The following CUL2 variants were observed in gnomAD, a reference collection of about 807,000 sequenced individuals.
CUL2 encodes the protein cullin-2.
Under a neutral mutation model 110.2 loss-of-function variants are expected in CUL2, and 22 were observed. The observed-to-expected ratio is 0.20, with a 90% confidence interval of 0.14 to 0.28. The LOEUF (loss-of-function observed/expected upper bound fraction) is 0.28, where lower values mean the gene tolerates loss of function less well. Ranked by LOEUF, CUL2 falls within the 10% of genes least tolerant of loss-of-function variation. CUL2 has a pLI of 1.00. For missense variants in CUL2, 631 were observed against 905.5 expected (o/e 0.70, Z 3.89); for synonymous variants, 279 against 293.2 (o/e 0.95, Z 0.49).
chr10:35,021,909 G>A (rs891396454), intron 17 of CUL2, among the ~76,000 whole-genome samples: 2 of 146,888 alleles, frequency 1.4e-5, no homozygotes, highest in Admixed American at 1.4e-4. Context: ...GGTGAGGTGG[G>A]GCGAAGTGGG....
chr10:35,040,039 G>A (rs1248165311), intron 8 of CUL2, among the ~76,000 whole-genome samples: 2 of 152,190 alleles, frequency 1.3e-5, no homozygotes. Flanking sequence ...TGTAGCACCA[G>A]CTACTCGGGA....
chr10:35,038,589 C>T (rs1482452557), intron 9 of CUL2, among the ~76,000 whole-genome samples: 2 of 137,304 alleles, frequency 1.5e-5, no homozygotes, highest in Non-Finnish European at 3.1e-5. Context: ...TAAATTATTA[C>T]ATTTATTACA....
intron 1 of CUL2, among the ~76,000 whole-genome samples, chr10:35,117,730 A>C (rs2087626723): frequency 1.3e-5 from 2 of 152,216 alleles, no homozygotes; most frequent in South Asian, 4.1e-4. Flanking sequence ...TGTGGAACCT[A>C]TTTGACTGGA....
At chr10:35,055,185 G>C (rs1361945744) in intron 4 of CUL2, among the ~76,000 whole-genome samples, 1 of 152,208 alleles carries the variant, frequency 6.6e-6, no homozygotes, top group Non-Finnish European at 1.5e-5. Context: ...CAACTGTGTA[G>C]TTTTTAGGAT....
intron 18 of CUL2, 76 bp from the exon 19 acceptor site, chr10:35,013,876 C>T (rs193234610): frequency 1.9e-6 from 2 of 1,068,972 alleles, no homozygotes; most frequent in Admixed American, 3.7e-5. Flanking sequence ...AGCAATTCTG[C>T]TAAATTAATG....
chr10:35,080,187 CCAATGGTGCA>C (rs1176485201), intron 1 of CUL2, among the ~76,000 whole-genome samples: 1 of 152,106 alleles, frequency 6.6e-6, no homozygotes, highest in Non-Finnish European at 1.5e-5. Context: ...CCCAAAGCTG[CCAATGGTGCA>C]CAATGACCAA....
chr10:35,018,727 C>T (rs1443563055), intron 17 of CUL2, among the ~76,000 whole-genome samples: 6 of 139,996 alleles, frequency 4.3e-5, no homozygotes, highest in South Asian at 2.2e-4. Context: ...CGCGCCATTG[C>T]ACTCCAGCCT....
intron 9 of CUL2, among the ~76,000 whole-genome samples, chr10:35,038,470 G>A (rs551769599): frequency 2.7e-4 from 33 of 123,156 alleles, no homozygotes; most frequent in African/African-American, 8.8e-4. Flanking sequence ...AGGTTGCAGC[G>A]AGCCAAGAGC....
Position 35,010,282 on chromosome 10 carries a change from T to G in CUL2, c.*29A>C. On this transcript the variant is annotated 3_prime_UTR_variant, in exon 21 of 21. Transcript: ENST00000374749. ...ACACCAAATGGTGATGGCAATGATC[T>G]TCTCACACCACGCTGGAGGAGAGCG... 1 of 1,560,030 alleles carries G rather than the reference T, an allele frequency of 6.4e-7. No homozygotes were observed. The highest frequency in any genetic ancestry group is 8.7e-7 in the Non-Finnish European group (1 of 1,150,404).
intron 9 of CUL2, among the ~76,000 whole-genome samples, chr10:35,035,897 C>G (rs1241079816): frequency 6.6e-6 from 1 of 152,206 alleles, no homozygotes; most frequent in Non-Finnish European, 1.5e-5. Context: ...ATGTTTTGAT[C>G]TCTAACACTG....
chr10:35,065,368 C>T (rs764083967), intron 2 of CUL2, among the ~76,000 whole-genome samples: 1 of 152,156 alleles, frequency 6.6e-6, no homozygotes, highest in Non-Finnish European at 1.5e-5. Flanking sequence ...CGCCTGTAAT[C>T]CCAGCACTTT....
At chr10:35,107,881 CAAAAAAAAAAAAA>C (rs56140666) in intron 1 of CUL2, among the ~76,000 whole-genome samples, 4 of 42,102 alleles carry the variant, frequency 9.5e-5, no homozygotes, top group African/African-American at 3.2e-4. Flanking sequence ...GACTCCATCT[CAAAAAAAAAAAAA>C]AAAAAAAAAA....
chr10:35,058,746 C>T (rs2134904407), intron 4 of CUL2, among the ~76,000 whole-genome samples: 1 of 152,292 alleles, frequency 6.6e-6, no homozygotes, highest in South Asian at 2.1e-4. Context: ...TGCCACCACC[C>T]CTCATGTTTT....
chr10:35,044,806 T>G lies in CUL2; in HGVS notation c.569A>C (p.His190Pro). The G allele has an allele frequency of 1.9e-6, 3 of 1,613,310 alleles. No homozygotes were observed. Among genetic ancestry groups the G allele is most frequent in the South Asian group, 1.1e-5 (1 of 90,876 alleles). Reference sequence around the variant, plus strand: ...GAATTTTTTCTTATACTGTTCAACATGAACAAAGGAGTTAATAACCCCATG... The same window carrying G: ...GAATTTTTTCTTATACTGTTCAACAGGAACAAAGGAGTTAATAACCCCATG... ...VIHGVINSFV[H>P]VEQYKKKFPL... The change falls in exon 7 of 21, where the codon CAT becomes CCT. Residue 190 changes from histidine (H) to proline (P), a missense_variant. His to Pro is a moderately conservative substitution (Grantham distance 77, BLOSUM62 -2). Around this residue, in one of 3 missense-constraint regions of CUL2, gnomAD observed 338 missense variants for 442.5 expected, o/e 0.76. Transcript: ENST00000374749.
chr10:35,042,079 C>A (rs1038707210), intron 8 of CUL2, among the ~76,000 whole-genome samples: 4 of 152,186 alleles, frequency 2.6e-5, no homozygotes, highest in Admixed American at 2.6e-4. Context: ...ATAACGCTCA[C>A]TATGTTGTGT....
At chr10:35,038,534 A>AAAG (rs1256760144) in intron 9 of CUL2, among the ~76,000 whole-genome samples, 10 of 148,908 alleles carry the variant, frequency 6.7e-5, no homozygotes, top group African/African-American at 2.4e-4. Context: ...TCAAAAAAAA[A>AAAG]AAAAAAAAAA....
At chr10:35,020,965 T>G (rs1301463712) in intron 17 of CUL2, among the ~76,000 whole-genome samples, 2 of 112,884 alleles carry the variant, frequency 1.8e-5, no homozygotes, top group African/African-American at 3.0e-5. Flanking sequence ...TTTTATGGGT[T>G]TTTTTTTTTT....
At chr10:35,075,466 TAAC>T (rs778890615) in intron 1 of CUL2, among the ~76,000 whole-genome samples, 6 of 152,250 alleles carry the variant, frequency 3.9e-5, no homozygotes, top group Non-Finnish European at 8.8e-5. Flanking sequence ...TCCTGTGCCT[TAAC>T]GAGATTCCCA....
At chr10:35,073,377 T>C (rs755969745) in intron 1 of CUL2, among the ~76,000 whole-genome samples, 1 of 152,248 alleles carries the variant, frequency 6.6e-6, no homozygotes, top group Non-Finnish European at 1.5e-5. Context: ...TCATCAACTG[T>C]GCACATGAGT....
Sources: gnomAD v4.1 joint callset for allele counts (sites outside exome capture counted in the v4.1 genomes callset) on GRCh38, gnomAD v4.1.1 for gene constraint, gnomAD v4.1.1 regional missense constraint, MANE v1.5 for transcripts, NCBI Gene and HGNC (gene_info 2026-07-23, HGNC 2026-07-21) for gene names.